Variants in ZNF609 observed in about 807,000 individuals in gnomAD.
ZNF609 encodes the protein zinc finger protein 609.
In ZNF609, 11 loss-of-function variants were observed where a neutral mutation model predicts 109.5. That is an observed-to-expected ratio of 0.10 (90% confidence interval 0.06 to 0.17). The LOEUF (loss-of-function observed/expected upper bound fraction) is 0.17. Among genes scored for constraint, ZNF609 ranks in the 10% least tolerant of loss-of-function variants. The pLI is 1.00. For missense variants in ZNF609, 1,559 were observed against 1,772.4 expected (o/e 0.88, Z 2.16); for synonymous variants, 646 against 662.0 (o/e 0.98, Z 0.37).
At chr15:64,490,970 C>A (rs560641913) in intron 1 of ZNF609, among the ~76,000 whole-genome samples, 56 of 152,338 alleles carry the variant, frequency 3.7e-4, no homozygotes, top group African/African-American at 1.3e-3. Context: ...TGCTGTTTTG[C>A]TCTCCTGTCC....
At chr15:64,486,691 A>T (rs73452255) in intron 1 of ZNF609, among the ~76,000 whole-genome samples, 2,100 of 151,988 alleles carry the variant, frequency 0.014, 64 homozygotes, top group African/African-American at 0.048. Context: ...TCTCAGGTCA[A>T]TGTAGCCTCT....
intron 2 of ZNF609, among the ~76,000 whole-genome samples, chr15:64,609,989 G>A (rs1643601133): frequency 6.6e-6 from 1 of 151,810 alleles, no homozygotes; most frequent in African/African-American, 2.4e-5. Context: ...TCCAGCCTGG[G>A]TGACAGCATG....
chr15:64,656,907 G>C (rs747648882), intron 3 of ZNF609, among the ~76,000 whole-genome samples: 49 of 152,180 alleles, frequency 3.2e-4, no homozygotes, highest in Middle Eastern at 3.4e-3. Context: ...CCATTCAGTA[G>C]CCATATCTCT....
chr15:64,655,095 CAA>C (rs34537642), intron 3 of ZNF609, among the ~76,000 whole-genome samples: 3 of 104,746 alleles, frequency 2.9e-5, no homozygotes, highest in Admixed American at 1.1e-4. Context: ...GACTCCATCT[CAA>C]AAAAAAAAAA....
chr15:64,528,301 A>G (rs1567006070), intron 2 of ZNF609, among the ~76,000 whole-genome samples: 1 of 151,560 alleles, frequency 6.6e-6, no homozygotes, highest in African/African-American at 2.4e-5. Flanking sequence ...GTTTCACCAT[A>G]TTAGCCAGGC....
chr15:64,575,537 A>T (rs1390954269), intron 2 of ZNF609, among the ~76,000 whole-genome samples: 1 of 152,208 alleles, frequency 6.6e-6, no homozygotes. Flanking sequence ...GGGAATAACA[A>T]CCATGGAGGA....
At chr15:64,645,665 A>G (rs139874984) in intron 3 of ZNF609, among the ~76,000 whole-genome samples, 2 of 152,094 alleles carry the variant, frequency 1.3e-5, no homozygotes, top group Admixed American at 6.5e-5. Flanking sequence ...AGAATAAAGA[A>G]CTCCTACAGA....
At chr15:64,492,294 A>C (rs140114278) in intron 1 of ZNF609, among the ~76,000 whole-genome samples, 214 of 152,320 alleles carry the variant, frequency 1.4e-3, no homozygotes, top group African/African-American at 5.0e-3. Context: ...ATAGCCTAAA[A>C]GGAAAACCCT....
At chr15:64,630,285 T>C (rs1415382574) in intron 3 of ZNF609, among the ~76,000 whole-genome samples, 1 of 151,930 alleles carries the variant, frequency 6.6e-6, no homozygotes, top group Non-Finnish European at 1.5e-5. Context: ...TTGGCCAGGC[T>C]GGTCTCGAAC....
At chr15:64,496,975 C>T (rs1002810492) in intron 1 of ZNF609, among the ~76,000 whole-genome samples, 1 of 152,116 alleles carries the variant, frequency 6.6e-6, no homozygotes, top group Non-Finnish European at 1.5e-5. Flanking sequence ...CCATCATACC[C>T]GGCTAATTTT....
At chr15:64,542,686 C>G (rs970909935) in intron 2 of ZNF609, among the ~76,000 whole-genome samples, 1 of 152,274 alleles carries the variant, frequency 6.6e-6, no homozygotes, top group East Asian at 1.9e-4. Flanking sequence ...ATCTTAGACT[C>G]TCCTTTTCAC....
intron 3 of ZNF609, among the ~76,000 whole-genome samples, chr15:64,658,112 G>A (rs1896516657): frequency 6.6e-6 from 1 of 152,168 alleles, no homozygotes; most frequent in African/African-American, 2.4e-5. Context: ...AGAGGCAGAA[G>A]GAAAACAATG....
intron 4 of ZNF609, among the ~76,000 whole-genome samples, chr15:64,672,114 G>A (rs918683691): frequency 2.4e-4 from 34 of 144,266 alleles, no homozygotes; most frequent in Admixed American, 4.2e-4. Context: ...CCGGGTTCAC[G>A]CCATTCTCCT....
intron 3 of ZNF609, among the ~76,000 whole-genome samples, chr15:64,660,708 C>G (rs1896563269): frequency 6.6e-6 from 1 of 152,194 alleles, no homozygotes; most frequent in Non-Finnish European, 1.5e-5. Flanking sequence ...ATCCTCTTTG[C>G]TCTTCCGAAC....
chr15:64,564,003 C>T (rs1002241407), intron 2 of ZNF609, among the ~76,000 whole-genome samples: 12 of 151,982 alleles, frequency 7.9e-5, no homozygotes, highest in African/African-American at 2.9e-4. Context: ...CCTGCCTTAG[C>T]CTCCCGAGTA....
intron 2 of ZNF609, among the ~76,000 whole-genome samples, chr15:64,547,380 C>G (rs937789696): frequency 2.0e-5 from 3 of 152,084 alleles, no homozygotes; most frequent in Non-Finnish European, 4.4e-5. Context: ...CTTTGTAGGT[C>G]TCTGCATGCA....
chr15:64,499,904 A>T lies in ZNF609; in HGVS notation c.485A>T (p.Asn162Ile). The T allele has an allele frequency of 6.2e-7, 1 of 1,614,078 alleles. No homozygotes were observed. Among genetic ancestry groups the T allele is most frequent in the Non-Finnish European group, 8.5e-7 (1 of 1,180,010 alleles). The stretch of plus-strand genomic sequence containing the variant: ...GCCGGTTCCAAAAAGGAGAAGGAGA[A>T]CAGCTCATCTAAGAGCAAGAAGGAG... Reference protein sequence around the residue: ...SVAGSKKEKENSSSKSKKERS... With the variant: ...SVAGSKKEKEISSSKSKKERS... Residue 162 changes from asparagine (N) to isoleucine (I), a missense_variant, in exon 2 of 10, where the codon AAC becomes ATC. Physicochemically the swap from Asn to Ile is moderately radical, Grantham distance 149. Transcript: ENST00000326648.
intron 2 of ZNF609, among the ~76,000 whole-genome samples, chr15:64,566,139 C>G (rs1247440132): frequency 6.6e-6 from 1 of 152,190 alleles, no homozygotes; most frequent in Admixed American, 6.5e-5. Context: ...CTTGAGCCAC[C>G]ATGCCTGGCC....
intron 3 of ZNF609, among the ~76,000 whole-genome samples, chr15:64,668,008 A>G (rs1393561880): frequency 6.6e-6 from 1 of 152,220 alleles, no homozygotes; most frequent in East Asian, 1.9e-4. Flanking sequence ...ATTCATTATT[A>G]GAATAGAAGT....
Sources: allele counts gnomAD v4.1 joint callset (sites outside exome capture counted in the v4.1 genomes callset), GRCh38; gene constraint gnomAD v4.1.1; transcripts MANE v1.5; gene names NCBI Gene and HGNC (gene_info 2026-07-23, HGNC 2026-07-21).